Variants in METTL15 observed in about 807,000 individuals in gnomAD.
METTL15 encodes 12S rRNA N(4)-cytidine methyltransferase METTL15.
Under a neutral mutation model 38.3 loss-of-function variants are expected in METTL15, and 34 were observed. That is an observed-to-expected ratio of 0.89 (90% confidence interval 0.68 to 1.18). METTL15 has a LOEUF of 1.18. Among genes scored for constraint, METTL15 ranks in the 50% most tolerant of loss-of-function variants. METTL15 has a pLI of 0.00. For missense variants in METTL15, 438 were observed against 498.4 expected, an observed-to-expected ratio of 0.88 and a Z score of 1.15; for synonymous variants, 162 against 170.9, an observed-to-expected ratio of 0.95 and a Z score of 0.41.
intron 6 of METTL15, among the ~76,000 whole-genome samples, chr11:28,329,954 TTATG>T (rs1482179672): frequency 3.3e-5 from 5 of 152,164 alleles, no homozygotes; most frequent in Non-Finnish European, 1.5e-5. Flanking sequence ...TTGTTCTTCT[TTATG>T]TAATGAATTT....
intron 3 of METTL15, among the ~76,000 whole-genome samples, chr11:28,338,678 CAG>C (rs1435333987): frequency 1.3e-5 from 2 of 152,030 alleles, no homozygotes; most frequent in Non-Finnish European, 2.9e-5. Flanking sequence ...ATGAAAGAAA[CAG>C]AGTTTGGAGT....
chr11:28,223,757 A>T (rs968922881), intron 4 of METTL15, among the ~76,000 whole-genome samples: 1 of 152,238 alleles, frequency 6.6e-6, no homozygotes, highest in Non-Finnish European at 1.5e-5. Flanking sequence ...AAAAGATGAC[A>T]TGTCAGATCA....
chr11:28,379,234 T>G (rs1850356041), intron 5 of METTL15, among the ~76,000 whole-genome samples: 1 of 152,090 alleles, frequency 6.6e-6, no homozygotes, highest in African/African-American at 2.4e-5. Context: ...ATTTTTATTA[T>G]TTATTTTCTT....
intron 3 of METTL15, among the ~76,000 whole-genome samples, chr11:28,124,376 G>A (rs988150408): frequency 4.6e-5 from 7 of 152,052 alleles, no homozygotes; most frequent in African/African-American, 1.7e-4. Context: ...ACGTTATGCT[G>A]TTCTTGTCTT....
In METTL15 at chr11:28,499,710, A is replaced by G. The variant is rs1851565976; in HGVS notation, c.*425-26768A>G. The stretch of plus-strand genomic sequence containing the variant: ...CTCAGTCTGGAGAAATCATAAAATG[A>G]TCACAAAAAAAGACACTGTTGGGCA... On this transcript the variant is annotated intron_variant and NMD_transcript_variant, in intron 6 of 7. Transcript: ENST00000532947. Among the ~76,000 whole-genome samples, 3 of 104,058 alleles carry G rather than the reference A, an allele frequency of 2.9e-5. No homozygotes were observed. In the South Asian group the frequency reaches 1.1e-3, roughly 39 times the overall value. 68.3% of individuals were successfully genotyped at this position (104,058 alleles called of 152,430 possible).
At chr11:28,419,913 A>G (rs1335539968) in intron 5 of METTL15, among the ~76,000 whole-genome samples, 4 of 152,214 alleles carry the variant, frequency 2.6e-5, no homozygotes, top group Non-Finnish European at 2.9e-5. Context: ...AGTAGAATTG[A>G]TCAAACAGAA....
chr11:28,430,873 C>A (rs1275403248), intron 6 of METTL15, among the ~76,000 whole-genome samples: 33 of 112,268 alleles, frequency 2.9e-4, no homozygotes, highest in Non-Finnish European at 5.6e-4. Flanking sequence ...GCCCCCCGCC[C>A]GGCCAGCCGC....
chr11:28,177,662 A>G (rs1015944129), intron 3 of METTL15, among the ~76,000 whole-genome samples: 5 of 151,972 alleles, frequency 3.3e-5, no homozygotes, highest in African/African-American at 1.2e-4. Flanking sequence ...TTGATGTTGA[A>G]TGTTTTCTAC....
chr11:28,224,763 C>T (rs780177973), intron 4 of METTL15, among the ~76,000 whole-genome samples: 28 of 151,774 alleles, frequency 1.8e-4, no homozygotes, highest in South Asian at 6.2e-4. Flanking sequence ...ATATCTGATG[C>T]GTTTTGCATA....
intron 6 of METTL15, among the ~76,000 whole-genome samples, chr11:28,499,907 T>C (rs918770532): frequency 2.0e-5 from 3 of 152,194 alleles, no homozygotes; most frequent in African/African-American, 7.2e-5. Flanking sequence ...AAATCTAACT[T>C]TGCTGATGCA....
intron 3 of METTL15, among the ~76,000 whole-genome samples, chr11:28,202,978 T>TA (rs34478028): frequency 0.46 from 69,727 of 151,338 alleles, 17,635 homozygotes; most frequent in Admixed American, 0.56. Flanking sequence ...ATGATTGGAT[T>TA]AAAAAAAAAT....
intron 4 of METTL15, among the ~76,000 whole-genome samples, chr11:28,281,319 A>G (rs1226990160): frequency 6.6e-6 from 1 of 152,126 alleles, no homozygotes; most frequent in Non-Finnish European, 1.5e-5. Context: ...TCCTGGTCAT[A>G]TCCACCTGGA....
chr11:28,397,636 T>C (rs1259696991), intron 5 of METTL15, among the ~76,000 whole-genome samples: 1 of 151,878 alleles, frequency 6.6e-6, no homozygotes, highest in African/African-American at 2.4e-5. Flanking sequence ...TTTACACTGT[T>C]GGTGGGACTG....
intron 4 of METTL15, among the ~76,000 whole-genome samples, chr11:28,236,493 T>C (rs947367157): frequency 8.5e-5 from 13 of 152,218 alleles, no homozygotes; most frequent in Non-Finnish European, 1.3e-4. Context: ...GATTCTGTTA[T>C]TGGTCTATTC....
At chr11:28,457,481 A>G (rs543506242) in intron 6 of METTL15, among the ~76,000 whole-genome samples, 2 of 152,320 alleles carry the variant, frequency 1.3e-5, no homozygotes, top group South Asian at 2.1e-4. Flanking sequence ...AGCTATTTAT[A>G]TTTTGATCCA....
chr11:28,372,003 A>C (rs1319527514), intron 5 of METTL15, among the ~76,000 whole-genome samples: 4 of 151,820 alleles, frequency 2.6e-5, no homozygotes, highest in African/African-American at 9.7e-5. Flanking sequence ...TAACTTTTCT[A>C]GTGAGAACTT....
chr11:28,234,079 T>A (rs1440457339), intron 4 of METTL15, among the ~76,000 whole-genome samples: 4 of 152,006 alleles, frequency 2.6e-5, no homozygotes. Context: ...CTTGCGATAG[T>A]TTACTGAGAA....
chr11:28,509,778 C>T (rs777345519), intron 6 of METTL15, among the ~76,000 whole-genome samples: 6 of 152,168 alleles, frequency 3.9e-5, no homozygotes, highest in Non-Finnish European at 5.9e-5. Context: ...TATGTCTAAG[C>T]ATGCTAAGGG....
chr11:28,404,361 G>A (rs1850656622), intron 5 of METTL15, among the ~76,000 whole-genome samples: 2 of 151,972 alleles, frequency 1.3e-5, no homozygotes, highest in Admixed American at 1.3e-4. Flanking sequence ...TAATAGATAT[G>A]TATTACTCAC....
Sources: gnomAD v4.1 joint callset for allele counts (sites outside exome capture counted in the v4.1 genomes callset) on GRCh38, gnomAD v4.1.1 for gene constraint, MANE v1.5 for transcripts, NCBI Gene and HGNC (gene_info 2026-07-23, HGNC 2026-07-21) for gene names.